The following CUX2 variants were observed in gnomAD, a reference collection of about 807,000 sequenced individuals.
The protein encoded by CUX2 is homeobox protein cut-like 2.
Under a neutral mutation model 144.8 loss-of-function variants are expected in CUX2, and 40 were observed. The observed-to-expected ratio is 0.28, with a 90% confidence interval of 0.21 to 0.36. CUX2 has a LOEUF of 0.36. CUX2 is among the 10% of genes least tolerant of loss of function. The pLI, the probability that CUX2 is intolerant of heterozygous loss-of-function variation, is 1.00. For missense variants in CUX2, 1,615 were observed against 1,994.0 expected (o/e 0.81, Z 3.62); for synonymous variants, 827 against 875.6 (o/e 0.94, Z 0.98).
In CUX2 at chr12:111,232,569, A is replaced by G. The variant is rs138553084; in HGVS notation, c.222+14632A>G. On this transcript the variant is annotated intron_variant, in intron 3 of 21. Coordinates refer to ENST00000261726, the MANE Select transcript of CUX2 (RefSeq NM_015267.4). The stretch of plus-strand genomic sequence containing the variant: ...TGCGTAGATTATATGCAAACAATAC[A>G]CCATTTTGTATAAAGGATTTGAGCA... Among the ~76,000 whole-genome samples, 219 of 152,288 alleles carry G rather than the reference A, an allele frequency of 1.4e-3. 1 individual carries two copies. Among genetic ancestry groups the G allele is most frequent in the African/African-American group, 5.1e-3 (213 of 41,558 alleles).
intron 1 of CUX2, among the ~76,000 whole-genome samples, chr12:111,181,121 C>T (rs770233224): frequency 6.6e-6 from 1 of 152,238 alleles, no homozygotes; most frequent in Non-Finnish European, 1.5e-5. Context: ...CGGAATATTC[C>T]GCGGGGCCGC....
rs149477946 is a variant in CUX2, at chr12:111,079,222, A to G, written c.63+44982A>G. Among the ~76,000 whole-genome samples, 20 of 152,338 alleles carry G rather than the reference A, an allele frequency of 1.3e-4. 1 individual carries two copies. The East Asian group carries it at 3.7e-3, about 28-fold the overall frequency. ...CTAAGACTTTCCTTCTGGAAAGAAG[A>G]AACTACCAAAAGTGGTTGCCCCTGG... On this transcript the variant is annotated intron_variant, in intron 1 of 21. Transcript: ENST00000261726.
rs1884220712 is a variant in CUX2, at chr12:111,263,276, AC to A, written c.223-483del. 6.6e-6 allele frequency among the ~76,000 whole-genome samples: 1 copy of A among 152,134 alleles called. No homozygotes were observed. The highest frequency in any genetic ancestry group is 1.5e-5 in the Non-Finnish European group (1 of 68,024). ...CAGGAGGTCGAGACAAGCCTGGGCA[AC>A]CTGTAGCAAGACCCCATCGCTTAAA... is the stretch of plus-strand genomic sequence containing the variant. On this transcript the variant is annotated intron_variant, in intron 3 of 21. Coordinates refer to ENST00000261726, the MANE Select transcript of CUX2 (RefSeq NM_015267.4). The surrounding 1 kb of genome is among the most constrained non-coding windows in gnomAD (Gnocchi z 4.0).
At chr12:111,198,924 A>G (rs1047938396) in intron 1 of CUX2, among the ~76,000 whole-genome samples, 5 of 152,232 alleles carry the variant, frequency 3.3e-5, no homozygotes, top group African/African-American at 1.2e-4. Flanking sequence ...CTCTAGGCCC[A>G]GTGAGAAGTC....
At chr12:111,345,848 A>G (rs1377727192) in intron 21 of CUX2, among the ~76,000 whole-genome samples, 1 of 150,400 alleles carries the variant, frequency 6.6e-6, no homozygotes, top group Non-Finnish European at 1.5e-5. Flanking sequence ...GGTGGCTCAC[A>G]CCTGTAATCC....
rs967134526 is a variant in CUX2, at chr12:111,061,177, T to TGC, written c.63+26938_63+26939dup. Among the ~76,000 whole-genome samples, 14 of 73,620 alleles carry TGC rather than the reference T, an allele frequency of 1.9e-4. No individual in the cohort carries two copies. The highest frequency in any genetic ancestry group is 2.9e-4 in the East Asian group (1 of 3,442). 48.3% of individuals were successfully genotyped at this position (73,620 alleles called of 152,430 possible). A position where few individuals can be genotyped will look rare whatever the true frequency, so the allele number is the denominator to read the frequency against. ...CTGTCCCCAGATGTGTGCATGCATA[T>TGC]GCACACACACACACACACACACACA... On this transcript the variant is annotated intron_variant, in intron 1 of 21. Transcript: ENST00000261726. The surrounding 1 kb of genome is among the most constrained non-coding windows in gnomAD (Gnocchi z 4.2).
At position 111,310,087 on chromosome 12, in the gene CUX2, G is replaced by T. The variant is rs770644286; in HGVS notation, c.1305G>T (p.Thr435=). The T allele has an allele frequency of 7.1e-7, 1 of 1,405,336 alleles. No homozygotes were observed. The allele number at this position is 1,405,336 out of a possible 1,614,324, so 87.1% of individuals were successfully genotyped here. The part of the protein sequence containing the change: ...EDDSIKDSLG[T]EQSYPSPQQL... ...ATTCCATCAAGGATTCACTGGGCAC[G>T]GAGCAGTCCTACCCCTCCCCTCAGC... Residue 435 remains threonine, a synonymous_variant, in exon 15 of 22, where the codon ACG becomes ACT. Transcript: ENST00000261726. The surrounding 1 kb of genome is among the most constrained non-coding windows in gnomAD (Gnocchi z 7.9).
rs78352679 is a variant in CUX2, at chr12:111,065,813, C to T, written c.63+31573C>T. The stretch of plus-strand genomic sequence containing the variant: ...GAAATTTGTTAGACATGCAAATTGT[C>T]GAGCTCCAACCCAGATCTCCTGAGT... On this transcript the variant is annotated intron_variant, in intron 1 of 21. Coordinates refer to ENST00000261726, the MANE Select transcript of CUX2 (RefSeq NM_015267.4). 8.2e-3 allele frequency among the ~76,000 whole-genome samples: 1,244 copies of T among 152,312 alleles called. 19 individuals are homozygous for T. The highest frequency in any genetic ancestry group is 0.029 in the African/African-American group (1,202 of 41,554).
intron 1 of CUX2, among the ~76,000 whole-genome samples, chr12:111,192,247 C>G (rs888993422): frequency 7.2e-5 from 11 of 152,162 alleles, no homozygotes; most frequent in Middle Eastern, 6.8e-3. Context: ...CTGCCTCAGC[C>G]TCCTGAGTAG....
chr12:111,060,788 C>A (rs577790664), intron 1 of CUX2, among the ~76,000 whole-genome samples: 1 of 152,322 alleles, frequency 6.6e-6, no homozygotes, highest in South Asian at 2.1e-4. Flanking sequence ...GAGGACTAGA[C>A]AAAGTCCCTT....
At chr12:111,216,444 C>T (rs1025815662) in intron 2 of CUX2, among the ~76,000 whole-genome samples, 4 of 152,186 alleles carry the variant, frequency 2.6e-5, no homozygotes, top group African/African-American at 7.2e-5. Context: ...TCGAACTTTA[C>T]GGTGGGTTGC....
chr12:111,115,509 T>C (rs1373025020), intron 1 of CUX2, among the ~76,000 whole-genome samples: 1 of 151,992 alleles, frequency 6.6e-6, no homozygotes. Flanking sequence ...ATGGTCTCAA[T>C]CTCCTGACCT....
rs994983064 is a variant in CUX2 at position 111,057,357 on chromosome 12, G to C, written c.63+23117G>C. Among the ~76,000 whole-genome samples the C allele has an allele frequency of 6.6e-6, 1 of 151,324 alleles. No homozygotes were observed. Among genetic ancestry groups the C allele is most frequent in the Non-Finnish European group, 1.5e-5 (1 of 67,836 alleles). ...TGAGGGAAGTTAGTGGGACAGAGACGGCTATGTGAGTGGAGTGGAGTGGGT... is the reference window on the plus strand; with the variant it reads ...TGAGGGAAGTTAGTGGGACAGAGACCGCTATGTGAGTGGAGTGGAGTGGGT... On this transcript the variant is annotated intron_variant, in intron 1 of 21. Coordinates refer to ENST00000261726, the MANE Select transcript of CUX2 (RefSeq NM_015267.4). The surrounding 1 kb of genome is among the most constrained non-coding windows in gnomAD (Gnocchi z 5.1).
At chr12:111,121,374 T>TTCTTTC (rs1376445795) in intron 1 of CUX2, among the ~76,000 whole-genome samples, 2 of 120,488 alleles carry the variant, frequency 1.7e-5, no homozygotes, top group Admixed American at 7.9e-5. Context: ...TTTTTCTTTT[T>TTCTTTC]TTTTTTTTTT....
chr12:111,194,220 TC>T (rs1453417142), intron 1 of CUX2, among the ~76,000 whole-genome samples: 6 of 152,130 alleles, frequency 3.9e-5, no homozygotes, highest in African/African-American at 1.2e-4. Context: ...GCGGTGCTCA[TC>T]AGCGAAACAG....
chr12:111,207,343 G>T (rs1880976527), intron 1 of CUX2, among the ~76,000 whole-genome samples: 1 of 152,234 alleles, frequency 6.6e-6, no homozygotes, highest in Admixed American at 6.5e-5. Flanking sequence ...ACCCAAGCTT[G>T]TCTGGTTTCT....
At chr12:111,211,127 G>C (rs1417641369) in intron 1 of CUX2, among the ~76,000 whole-genome samples, 2 of 152,184 alleles carry the variant, frequency 1.3e-5, no homozygotes, top group African/African-American at 4.8e-5. Flanking sequence ...GTAGTTATGA[G>C]TATTTACTAT....
chr12:111,150,623 T>G (rs1876979799), intron 1 of CUX2, among the ~76,000 whole-genome samples: 1 of 152,182 alleles, frequency 6.6e-6, no homozygotes, highest in African/African-American at 2.4e-5. Context: ...ATCTTACTTC[T>G]GCCCCGGGCA....
At chr12:111,122,969 A>T (rs1230834202) in intron 1 of CUX2, among the ~76,000 whole-genome samples, 1 of 152,170 alleles carries the variant, frequency 6.6e-6, no homozygotes, top group Non-Finnish European at 1.5e-5. Context: ...TTCTTCCTGG[A>T]TGGATAACTC....
Sources: gnomAD v4.1 joint callset for allele counts (sites outside exome capture counted in the v4.1 genomes callset) on GRCh38, gnomAD v4.1.1 for gene constraint, Gnocchi (gnomAD v3.1) non-coding constraint, MANE v1.5 for transcripts, NCBI Gene and HGNC (gene_info 2026-07-23, HGNC 2026-07-21) for gene names.